ZNF469: variants seen among roughly 807,000 people sequenced by gnomAD.
The protein encoded by ZNF469 is zinc finger protein 469.
A neutral mutation model predicts 1.0 loss-of-function variants in ZNF469; 1 was observed. The ratio of observed to expected loss-of-function variants is 1.00; its 90% CI spans 0.35 to 4.73. The LOEUF (loss-of-function observed/expected upper bound fraction) is 4.73. ZNF469 is among the 30% of genes most tolerant of loss of function. The pLI is 0.16. For missense variants in ZNF469, 6,100 were observed against 5,356.3 expected, an observed-to-expected ratio of 1.14 and a Z score of -4.33; for synonymous variants, 2,703 against 2,363.4, an observed-to-expected ratio of 1.14 and a Z score of -4.17.
At chr16:88,361,726 T>C in the ZNF469 span, among the ~76,000 whole-genome samples, 3 of 152,330 alleles carry the variant, frequency 2.0e-5, no homozygotes, top group African/African-American at 7.2e-5. Flanking sequence ...ATCTAACTTA[T>C]GAATATTTTT....
At chr16:88,420,072 C>G (rs925916202) in intron 1 of ZNF469, among the ~76,000 whole-genome samples, 4 of 152,246 alleles carry the variant, frequency 2.6e-5, no homozygotes, top group Non-Finnish European at 4.4e-5. Context: ...GGGCCACACG[C>G]AGGTTCCATG....
the ZNF469 span, among the ~76,000 whole-genome samples, chr16:88,191,907 C>T: frequency 0.11 from 16,460 of 152,180 alleles, 1,181 homozygotes; most frequent in Non-Finnish European, 0.16. Flanking sequence ...GAATTGTCTC[C>T]CTCTCAAATT....
chr16:88,135,778 T>TTTTTTGG, the ZNF469 span, among the ~76,000 whole-genome samples: 1 of 124,706 alleles, frequency 8.0e-6, no homozygotes, highest in African/African-American at 3.5e-5. Flanking sequence ...TTTTTTTTTT[T>TTTTTTGG]GGGATGGAGT....
chr16:88,389,663 G>T (rs1444365595), intron 1 of ZNF469, among the ~76,000 whole-genome samples: 2 of 152,222 alleles, frequency 1.3e-5, no homozygotes, highest in Non-Finnish European at 2.9e-5. Flanking sequence ...CAGGCCAGGG[G>T]AGGGTGAGGC....
the ZNF469 span, among the ~76,000 whole-genome samples, chr16:88,339,937 C>T: frequency 1.3e-5 from 2 of 150,464 alleles, no homozygotes; most frequent in East Asian, 2.0e-4. Flanking sequence ...GTGTTGGGGA[C>T]GGGCCACCCC....
the ZNF469 span, among the ~76,000 whole-genome samples, chr16:88,287,546 G>A: frequency 1.3e-4 from 20 of 152,164 alleles, no homozygotes; most frequent in Non-Finnish European, 1.9e-4. Flanking sequence ...TCCCATGCTG[G>A]CAAAACTGTA....
the ZNF469 span, among the ~76,000 whole-genome samples, chr16:88,223,855 G>A: frequency 1.3e-5 from 2 of 152,292 alleles, no homozygotes; most frequent in South Asian, 4.1e-4. Flanking sequence ...TAAACTGTGT[G>A]GAGCGCAGGC....
chr16:88,117,767 C>T, the ZNF469 span, among the ~76,000 whole-genome samples: 12 of 152,174 alleles, frequency 7.9e-5, no homozygotes, highest in South Asian at 8.3e-4. Context: ...CTTGGAGCCC[C>T]GGTCGTGTGC....
At chr16:88,322,551 A>G in the ZNF469 span, among the ~76,000 whole-genome samples, 1 of 152,332 alleles carries the variant, frequency 6.6e-6, no homozygotes, top group East Asian at 1.9e-4. Context: ...GGCGGGAGCT[A>G]CGGCAAGTCC....
chr16:88,410,285 T>C (rs114778235), intron 1 of ZNF469, among the ~76,000 whole-genome samples: 3,056 of 148,442 alleles, frequency 0.021, 100 homozygotes, highest in African/African-American at 0.075. Context: ...ACGTCTATGA[T>C]ACCGTTGATA....
the ZNF469 span, among the ~76,000 whole-genome samples, chr16:88,159,603 T>A: frequency 6.6e-6 from 1 of 152,182 alleles, no homozygotes; most frequent in Non-Finnish European, 1.5e-5. Flanking sequence ...CTAAATCAGC[T>A]TGAAGCAAAA....
At chr16:88,348,742 C>T in the ZNF469 span, among the ~76,000 whole-genome samples, 1 of 152,186 alleles carries the variant, frequency 6.6e-6, no homozygotes, top group Admixed American at 6.5e-5. Flanking sequence ...GAGCCTGCCT[C>T]AGCCGCCCCA....
In ZNF469 at chr16:88,434,658, C is replaced by T; in HGVS notation, c.7188C>T (p.Val2396=). 5 of 1,550,322 alleles carry T rather than the reference C, an allele frequency of 3.2e-6. No homozygotes were observed. Among genetic ancestry groups the T allele is most frequent in the Non-Finnish European group, 4.4e-6 (5 of 1,146,938 alleles). The change falls in exon 3 of 3, where the codon GTC becomes GTT. Residue 2396 remains valine (V), a synonymous_variant. Transcript: ENST00000565624. ...GRSGATKMPR[V]TCPSTGLGLG... ...CTGGTGCTACCAAGATGCCCAGGGT[C>T]ACCTGCCCTTCCACAGGACTGGGCT...
intron 1 of ZNF469, among the ~76,000 whole-genome samples, chr16:88,415,277 C>T (rs1473370700): frequency 2.6e-5 from 4 of 152,102 alleles, no homozygotes; most frequent in Non-Finnish European, 5.9e-5. Flanking sequence ...GGAGAGGGGC[C>T]GGGAGCCTCC....
the ZNF469 span, among the ~76,000 whole-genome samples, chr16:88,243,450 G>T: frequency 1.3e-5 from 2 of 152,182 alleles, no homozygotes; most frequent in Admixed American, 1.3e-4. Flanking sequence ...GCGTCCATCA[G>T]TTGTGTTCAC....
rs190209107 is a variant in ZNF469 at position 88,400,539 on chromosome 16, C to G, written c.-192+17285C>G. On this transcript the variant is annotated intron_variant, in intron 1 of 2. Coordinates refer to ENST00000565624, the MANE Select transcript of ZNF469 (RefSeq NM_001367624.2). ...TGCTTTCCGGAACCTCTAAGCCAGG[C>G]GAGCCCAAAGGCCTTCCTGGGGCCA... is the stretch of plus-strand genomic sequence containing the variant. 1.8e-3 allele frequency among the ~76,000 whole-genome samples: 276 copies of G among 152,310 alleles called. 1 individual carries two copies. Among genetic ancestry groups the G allele is most frequent in the African/African-American group, 5.9e-3 (246 of 41,566 alleles).
chr16:88,279,463 C>T, the ZNF469 span, among the ~76,000 whole-genome samples: 8,327 of 149,962 alleles, frequency 0.056, 709 homozygotes, highest in African/African-American at 0.2. Flanking sequence ...TGCTGTGTCA[C>T]GCCGACGCTC....
At chr16:88,351,763 G>C in the ZNF469 span, among the ~76,000 whole-genome samples, 11 of 152,280 alleles carry the variant, frequency 7.2e-5, no homozygotes, top group South Asian at 2.1e-3. Flanking sequence ...GGTTGTGCGG[G>C]GCTCCAGGGT....
the ZNF469 span, among the ~76,000 whole-genome samples, chr16:88,272,514 G>A: frequency 6.6e-6 from 1 of 150,816 alleles, no homozygotes. Context: ...GAACAGGGGG[G>A]TGTATGGATA....
Sources: allele counts gnomAD v4.1 joint callset (sites outside exome capture counted in the v4.1 genomes callset), GRCh38; gene constraint gnomAD v4.1.1; transcripts MANE v1.5; gene names NCBI Gene and HGNC (gene_info 2026-07-23, HGNC 2026-07-21).